The following CUL1 variants were observed in gnomAD, a reference collection of about 807,000 sequenced individuals.
CUL1 encodes cullin 1.
A neutral mutation model predicts 118.0 loss-of-function variants in CUL1; 24 were observed. That is an observed-to-expected ratio of 0.20 (90% CI 0.15 to 0.29). CUL1 has a LOEUF of 0.29. Among genes scored for constraint, CUL1 ranks in the 10% least tolerant of loss-of-function variants. The pLI, the probability that CUL1 is intolerant of heterozygous loss-of-function variation, is 1.00. For synonymous variants in CUL1, 332 were observed against 340.4 expected (o/e 0.98, Z 0.27); for missense variants, 361 against 933.8 (o/e 0.39, Z 7.99).
intron 2 of CUL1, among the ~76,000 whole-genome samples, chr7:148,739,342 GA>G (rs1230296900): frequency 6.6e-6 from 1 of 152,166 alleles, no homozygotes; most frequent in Non-Finnish European, 1.5e-5. Flanking sequence ...GTGAAGCTAA[GA>G]CTGTGTGTCA....
At chr7:148,748,838 A>T (rs1368665488) in intron 2 of CUL1, among the ~76,000 whole-genome samples, 1 of 152,226 alleles carries the variant, frequency 6.6e-6, no homozygotes, top group African/African-American at 2.4e-5. Flanking sequence ...AAATGAAATT[A>T]AATTTTTTTG....
At chr7:148,700,926 C>T (rs1024332337) in intron 1 of CUL1, among the ~76,000 whole-genome samples, 1 of 152,168 alleles carries the variant, frequency 6.6e-6, no homozygotes, top group Non-Finnish European at 1.5e-5. Context: ...AGAAGACAGA[C>T]ACGCATGCCT....
At chr7:148,705,194 T>C (rs1333008835) in intron 1 of CUL1, among the ~76,000 whole-genome samples, 1 of 152,210 alleles carries the variant, frequency 6.6e-6, no homozygotes, top group South Asian at 2.1e-4. Context: ...GATGGTTTAT[T>C]GTAACACTAG....
intron 9 of CUL1, among the ~76,000 whole-genome samples, chr7:148,773,530 C>T (rs551224795): frequency 6.6e-6 from 1 of 152,286 alleles, no homozygotes; most frequent in Admixed American, 6.5e-5. Flanking sequence ...GCTCACGCCT[C>T]ATTATAGTTT....
intron 7 of CUL1, among the ~76,000 whole-genome samples, chr7:148,765,361 C>T (rs1307661331): frequency 6.6e-6 from 1 of 152,166 alleles, no homozygotes; most frequent in Non-Finnish European, 1.5e-5. Context: ...GGCACGGTAG[C>T]TGGACAGCCT....
intron 11 of CUL1, among the ~76,000 whole-genome samples, chr7:148,785,611 G>A (rs960365614): frequency 2.0e-5 from 3 of 148,076 alleles, no homozygotes; most frequent in South Asian, 2.2e-4. Context: ...TGATCCACCC[G>A]CCTCAGCCTC....
intron 9 of CUL1, chr7:148,783,327 G>T: frequency 2.0e-6 from 2 of 985,448 alleles, no homozygotes; most frequent in Non-Finnish European, 2.4e-6. Flanking sequence ...GTGGGTGGGG[G>T]CCGCAGTCAG....
At chr7:148,698,078 G>A (rs1219100823), upstream of CUL1, 2 of 152,238 alleles carry the variant, frequency 1.3e-5, no homozygotes, top group Admixed American at 6.5e-5. Context: ...TCTTAGAAGT[G>A]ATTTTTAAAA....
intron 6 of CUL1, among the ~76,000 whole-genome samples, 185 bp downstream of exon 6, chr7:148,759,823 G>A (rs894320187): frequency 2.6e-5 from 4 of 152,066 alleles, no homozygotes; most frequent in Admixed American, 2.6e-4. Flanking sequence ...CATAAAAGCT[G>A]TTTGATCCGT....
chr7:148,717,436 T>C (rs1376951757), intron 1 of CUL1, among the ~76,000 whole-genome samples: 1 of 152,164 alleles, frequency 6.6e-6, no homozygotes, highest in Non-Finnish European at 1.5e-5. Context: ...ATTTGAGCCT[T>C]TGTCATCCTG....
chr7:148,792,233 T>C (rs547521431), intron 16 of CUL1, among the ~76,000 whole-genome samples: 190 of 152,304 alleles, frequency 1.2e-3, no homozygotes, highest in Non-Finnish European at 1.9e-3. Flanking sequence ...TTTCATACTT[T>C]ACTTACTTTT....
intron 11 of CUL1, among the ~76,000 whole-genome samples, chr7:148,784,338 G>C (rs190871707): frequency 1.3e-5 from 2 of 152,164 alleles, no homozygotes. Context: ...CACCCTGTTC[G>C]CTTCTGAGAT....
chr7:148,763,450 C>T (rs1262189265), intron 7 of CUL1, among the ~76,000 whole-genome samples: 3 of 152,196 alleles, frequency 2.0e-5, no homozygotes, highest in Admixed American at 1.3e-4. Flanking sequence ...ATCCTATAGC[C>T]TTGCATCTCA....
chr7:148,719,305 C>A (rs945341693), intron 1 of CUL1, among the ~76,000 whole-genome samples: 2 of 148,078 alleles, frequency 1.4e-5, no homozygotes, highest in Admixed American at 6.6e-5. Context: ...AGCGAGACTT[C>A]GTCAAAAAAA....
At chr7:148,740,957 T>G (rs1237793162) in intron 2 of CUL1, among the ~76,000 whole-genome samples, 1 of 152,236 alleles carries the variant, frequency 6.6e-6, no homozygotes, top group Non-Finnish European at 1.5e-5. Context: ...TCCTGTTGTT[T>G]AAGCCGTCTT....
At chr7:148,738,404 C>T (rs1799031467) in intron 2 of CUL1, among the ~76,000 whole-genome samples, 1 of 152,216 alleles carries the variant, frequency 6.6e-6, no homozygotes, top group Non-Finnish European at 1.5e-5. Flanking sequence ...AGTACAGAAG[C>T]ATGCCTTGGC....
chr7:148,723,944 T>TA (rs1798477929), intron 1 of CUL1, among the ~76,000 whole-genome samples: 2 of 152,354 alleles, frequency 1.3e-5, no homozygotes, highest in Admixed American at 1.3e-4. Flanking sequence ...TGGAAATTCA[T>TA]AAGACACGTT....
chr7:148,759,681 A>G (rs1051355806), intron 6 of CUL1, 43 bp downstream of exon 6: 3 of 1,102,194 alleles, frequency 2.7e-6, no homozygotes, highest in African/African-American at 3.2e-5. Flanking sequence ...TTCACATCAA[A>G]TGGCAATTAC....
At chr7:148,710,307 C>T (rs533704490) in intron 1 of CUL1, among the ~76,000 whole-genome samples, 13 of 135,834 alleles carry the variant, frequency 9.6e-5, no homozygotes, top group Admixed American at 2.2e-4. Flanking sequence ...GGGCGCGGTA[C>T]GCCTGTAATC....
Sources: gnomAD v4.1 joint callset for allele counts (sites outside exome capture counted in the v4.1 genomes callset) on GRCh38, gnomAD v4.1.1 for gene constraint, MANE v1.5 for transcripts, NCBI Gene and HGNC (gene_info 2026-07-23, HGNC 2026-07-21) for gene names.